The following GYPB variants were observed in gnomAD, a reference collection of about 807,000 sequenced individuals.
GYPB encodes the protein glycophorin B (MNS blood group).
A neutral mutation model predicts 15.3 loss-of-function variants in GYPB; 13 were observed. The observed-to-expected ratio is 0.85, with a 90% CI of 0.55 to 1.35. The LOEUF (loss-of-function observed/expected upper bound fraction) is 1.35, where lower values mean the gene tolerates loss of function less well. Among genes scored for constraint, GYPB ranks in the 40% most tolerant of loss-of-function variants. GYPB has a pLI of 0.00. For missense variants in GYPB, 131 were observed against 108.3 expected (o/e 1.21, Z -0.93); for synonymous variants, 38 against 36.9 (o/e 1.03, Z -0.11).
At chr4:144,000,339 C>T (rs2149957285) in intron 2 of GYPB, 1 of 429,608 alleles carries the variant, frequency 2.3e-6, no homozygotes, top group South Asian at 3.4e-5. Context: ...AGAGTTCAAT[C>T]ACAACAATGA....
chr4:144,010,429 G>A (rs1235870004), intron 1 of GYPB, among the ~76,000 whole-genome samples: 10 of 151,452 alleles, frequency 6.6e-5, no homozygotes, highest in Admixed American at 3.3e-4. Flanking sequence ...TGACTGTGCC[G>A]TTGCAGTCCA....
intron 1 of GYPB, chr4:144,002,488 C>A (rs1727676841): frequency 1.4e-6 from 1 of 695,984 alleles, no homozygotes; most frequent in Non-Finnish European, 2.2e-6. Context: ...GTCTCCTATT[C>A]TGTGCATTCA....
chr4:143,996,219 G>GT lies in GYPB; in HGVS notation c.*79dup. 6.5e-7 allele frequency: 1 copy of GT among 1,549,564 alleles called. No individual in the cohort carries two copies. The highest frequency in any genetic ancestry group is 8.7e-7 in the Non-Finnish European group (1 of 1,146,448). ...AGGGGCATAAGCAAAGGAATAGCAGGTGCAGCCAGTTTGCATAAACAAGAG... is the reference window on the plus strand; with the variant it reads ...AGGGGCATAAGCAAAGGAATAGCAGGTTGCAGCCAGTTTGCATAAACAAGAG... On this transcript the variant is annotated 3_prime_UTR_variant, in exon 5 of 5. Transcript: ENST00000502664.
At chr4:144,016,392 C>A (rs1728503162) in intron 1 of GYPB, among the ~76,000 whole-genome samples, 1 of 149,268 alleles carries the variant, frequency 6.7e-6, no homozygotes, top group Non-Finnish European at 1.5e-5. Context: ...TCCCTCCTCT[C>A]TTCTTTCCTT....
intron 1 of GYPB, among the ~76,000 whole-genome samples, chr4:144,018,571 C>A (rs1020554866): frequency 6.6e-6 from 1 of 151,146 alleles, no homozygotes; most frequent in Non-Finnish European, 1.5e-5. Flanking sequence ...AGGCCAAAAT[C>A]ATGTTAATTT....
chr4:144,012,718 A>G (rs1393140018), intron 1 of GYPB: 1 of 151,646 alleles, frequency 6.6e-6, no homozygotes, highest in Non-Finnish European at 1.5e-5. Flanking sequence ...TTCAATGGGC[A>G]AAGGATAGTC....
At chr4:144,015,830 A>G (rs1728459230) in intron 1 of GYPB, among the ~76,000 whole-genome samples, 2 of 151,168 alleles carry the variant, frequency 1.3e-5, no homozygotes, top group South Asian at 4.2e-4. Context: ...ACAGATGAAA[A>G]ATGATTGTAG....
At chr4:144,012,324 T>C (rs1728256115) in intron 1 of GYPB, 1 of 151,534 alleles carries the variant, frequency 6.6e-6, no homozygotes, top group Admixed American at 6.6e-5. Context: ...CTCAAACTAA[T>C]TCCTCTAGCA....
chr4:144,001,968 C>CAG (rs1727649498), intron 1 of GYPB, among the ~76,000 whole-genome samples: 2 of 96,284 alleles, frequency 2.1e-5, no homozygotes, highest in Non-Finnish European at 3.7e-5. Context: ...GATTCCGTTT[C>CAG]AAAAAAAAAA....
intron 1 of GYPB, among the ~76,000 whole-genome samples, chr4:144,005,372 G>A (rs1327270222): frequency 6.6e-6 from 1 of 151,962 alleles, no homozygotes; most frequent in African/African-American, 2.4e-5. Context: ...TAGTCAGCAA[G>A]CATTGGGGCA....
At chr4:144,006,031 T>C (rs1298301415) in intron 1 of GYPB, among the ~76,000 whole-genome samples, 1 of 151,634 alleles carries the variant, frequency 6.6e-6, no homozygotes, top group African/African-American at 2.4e-5. Context: ...GGCAAATTAG[T>C]GCAAAATAAA....
chr4:144,004,919 G>T (rs531211813), intron 1 of GYPB, among the ~76,000 whole-genome samples: 12 of 151,806 alleles, frequency 7.9e-5, no homozygotes, highest in Non-Finnish European at 1.6e-4. Flanking sequence ...AGTAAACTGG[G>T]TAGAAAGCAT....
In GYPB at chr4:143,999,433, A is replaced by G; in HGVS notation, c.153T>C (p.Leu51=). The G allele has an allele frequency of 6.5e-7, 1 of 1,542,194 alleles. No individual in the cohort carries two copies. Among genetic ancestry groups the G allele is most frequent in the Non-Finnish European group, 8.9e-7 (1 of 1,119,542 alleles). ...TACCTGGTACAGTGAAACGATGGAC[A>G]AGTTGTCCCGTTTCTCCTATAAAGC... ...SSQTNGETGQ[L]VHRFTVPAPV... The change falls in exon 3 of 5, where the codon CTT becomes CTC. Residue 51 remains leucine (L), a synonymous_variant. Transcript: ENST00000502664.
At chr4:144,009,762 C>T (rs1239792093) in intron 1 of GYPB, among the ~76,000 whole-genome samples, 1 of 149,292 alleles carries the variant, frequency 6.7e-6, no homozygotes, top group South Asian at 2.1e-4. Flanking sequence ...TACAGGCACC[C>T]GCCACCAAGC....
At chr4:144,015,302 T>G in intron 1 of GYPB, among the ~76,000 whole-genome samples, 1 of 151,324 alleles carries the variant, frequency 6.6e-6, no homozygotes, top group Non-Finnish European at 1.5e-5. Flanking sequence ...TTGCTTTAGT[T>G]TTAGTTTAGT....
intron 1 of GYPB, among the ~76,000 whole-genome samples, chr4:144,005,182 C>T (rs1468976198): frequency 1.3e-5 from 2 of 151,950 alleles, no homozygotes; most frequent in Non-Finnish European, 2.9e-5. Flanking sequence ...ATCCAAATTG[C>T]CGACTTTACA....
At chr4:144,002,883 C>G (rs889764868) in intron 1 of GYPB, among the ~76,000 whole-genome samples, 4 of 151,294 alleles carry the variant, frequency 2.6e-5, no homozygotes, top group Admixed American at 1.3e-4. Flanking sequence ...AAGTTCTTTT[C>G]TGGCCTTGCT....
At chr4:144,008,358 G>A in intron 1 of GYPB, 2 of 454,366 alleles carry the variant, frequency 4.4e-6, no homozygotes, top group South Asian at 3.1e-5. Flanking sequence ...AGCAAATCAG[G>A]GCTAAATGAA....
chr4:143,995,462 G>A (rs1335532838), downstream of GYPB, among the ~76,000 whole-genome samples: 1 of 151,234 alleles, frequency 6.6e-6, no homozygotes, highest in African/African-American at 2.5e-5. Flanking sequence ...TATCTGGTGT[G>A]TACTAGAAGA....
Sources: allele counts gnomAD v4.1 joint callset (sites outside exome capture counted in the v4.1 genomes callset), GRCh38; gene constraint gnomAD v4.1.1; transcripts MANE v1.5; gene names NCBI Gene and HGNC (gene_info 2026-07-23, HGNC 2026-07-21).